The following AFTPH variants were observed in gnomAD, a reference collection of about 807,000 sequenced individuals.
The protein encoded by AFTPH is aftiphilin protein.
A neutral mutation model predicts 72.5 loss-of-function variants in AFTPH; 7 were observed. The ratio of observed to expected loss-of-function variants is 0.10; its 90% CI spans 0.05 to 0.18. The LOEUF (loss-of-function observed/expected upper bound fraction) is 0.18. Ranked by LOEUF, AFTPH falls within the 10% of genes least tolerant of loss-of-function variation. The pLI is 1.00. For synonymous variants in AFTPH, 337 were observed against 370.1 expected, an observed-to-expected ratio of 0.91 and a Z score of 1.03; for missense variants, 979 against 1,060.5, an observed-to-expected ratio of 0.92 and a Z score of 1.07.
chr2:64,573,047 A>G, exon 6 of AFTPH: 5 of 1,614,094 alleles, frequency 3.1e-6, no homozygotes, highest in Non-Finnish European at 4.2e-6. Flanking sequence ...ATATGAACAC[A>G]TGTACATCTG....
chr2:64,591,474 G>C (rs554398136), intron 8 of AFTPH, among the ~76,000 whole-genome samples: 1 of 152,366 alleles, frequency 6.6e-6, no homozygotes, highest in South Asian at 2.1e-4. Flanking sequence ...TTCAGGCTGA[G>C]GTAGTTTTAG....
At chr2:64,552,290 A>C in exon 2 of AFTPH, 5 of 1,614,128 alleles carry the variant, frequency 3.1e-6, no homozygotes, top group Non-Finnish European at 4.2e-6. Flanking sequence ...GAGTCAATGA[A>C]CTGAATTCTG....
chr2:64,587,415 C>A (rs3770728), intron 8 of AFTPH, among the ~76,000 whole-genome samples: 40,429 of 152,090 alleles, frequency 0.27, 5,460 homozygotes, highest in South Asian at 0.28. Context: ...TAAAATGTCC[C>A]AACGAGTGAT....
intron 1 of AFTPH, among the ~76,000 whole-genome samples, chr2:64,535,771 C>T (rs202046605): frequency 1.3e-5 from 2 of 151,830 alleles, no homozygotes; most frequent in South Asian, 2.1e-4. Context: ...GAAGAAATGA[C>T]GTGTGACAAC....
chr2:64,527,448 C>T (rs1290299630), intron 1 of AFTPH, among the ~76,000 whole-genome samples: 2 of 152,050 alleles, frequency 1.3e-5, no homozygotes, highest in Non-Finnish European at 2.9e-5. Context: ...GGTGTGGTGG[C>T]ACATGCCTAT....
At chr2:64,548,840 G>A (rs1053700042) in intron 1 of AFTPH, among the ~76,000 whole-genome samples, 3 of 152,070 alleles carry the variant, frequency 2.0e-5, no homozygotes, top group African/African-American at 7.2e-5. Flanking sequence ...AGAAGAGTAT[G>A]GCAGAGCAAA....
intron 8 of AFTPH, among the ~76,000 whole-genome samples, chr2:64,588,119 G>A (rs948505870): frequency 2.0e-5 from 3 of 151,850 alleles, no homozygotes; most frequent in Non-Finnish European, 4.4e-5. Flanking sequence ...TATCCCTCTC[G>A]TTCCCCAGGC....
chr2:64,524,434 C>G (rs999769105), exon 1 of AFTPH: 2 of 403,492 alleles, frequency 5.0e-6, no homozygotes, highest in African/African-American at 2.1e-5. Context: ...GATGGGGGTC[C>G]CGCGGCAGCG....
chr2:64,589,373 CTCTCAATTATAT>C (rs1273166579), intron 8 of AFTPH, among the ~76,000 whole-genome samples: 3 of 152,208 alleles, frequency 2.0e-5, no homozygotes, highest in East Asian at 3.9e-4. Flanking sequence ...TTTTCCTGGA[CTCTCAATTATAT>C]TCTCAATTAT....
At chr2:64,579,524 T>C in exon 7 of AFTPH, 3 of 1,614,006 alleles carry the variant, frequency 1.9e-6, no homozygotes, top group Non-Finnish European at 2.5e-6. Context: ...GGAGTAGCAG[T>C]GGCCTTACTA....
chr2:64,583,634 A>G (rs1355268276), intron 7 of AFTPH, among the ~76,000 whole-genome samples: 3 of 152,168 alleles, frequency 2.0e-5, no homozygotes, highest in Non-Finnish European at 2.9e-5. Context: ...TTAGAGAGGG[A>G]GGTACTTTGG....
At chr2:64,545,317 A>AT (rs1670508262) in intron 1 of AFTPH, among the ~76,000 whole-genome samples, 3 of 152,034 alleles carry the variant, frequency 2.0e-5, no homozygotes, top group Admixed American at 6.5e-5. Context: ...TTGAGCATTT[A>AT]TCCTAGATAA....
intron 2 of AFTPH, 50 bp downstream of exon 2, chr2:64,553,459 GCTT>G: frequency 6.7e-7 from 1 of 1,490,980 alleles, no homozygotes; most frequent in Non-Finnish European, 8.9e-7. Context: ...TGTTGTGGAG[GCTT>G]CTAATTTCAG....
intron 2 of AFTPH, among the ~76,000 whole-genome samples, chr2:64,553,679 G>C (rs1018110987): frequency 2.1e-5 from 3 of 144,988 alleles, no homozygotes; most frequent in Admixed American, 6.9e-5. Context: ...GGATTTTTTG[G>C]TGACTATAAA....
At chr2:64,529,686 G>GT (rs1669507846) in intron 1 of AFTPH, among the ~76,000 whole-genome samples, 1 of 149,708 alleles carries the variant, frequency 6.7e-6, no homozygotes, top group African/African-American at 2.5e-5. Context: ...CTGGAGTACA[G>GT]TGGAGTGATC....
chr2:64,546,929 G>A (rs1292665409), intron 1 of AFTPH, among the ~76,000 whole-genome samples: 3 of 151,830 alleles, frequency 2.0e-5, no homozygotes, highest in Admixed American at 1.3e-4. Flanking sequence ...GGCCCCTGTA[G>A]TCCCAGCTGC....
chr2:64,583,444 GA>G (rs1393876010), intron 7 of AFTPH, among the ~76,000 whole-genome samples: 10 of 151,632 alleles, frequency 6.6e-5, no homozygotes, highest in Admixed American at 6.6e-4. Flanking sequence ...TTGGGGGTGT[GA>G]TTTTGTTGTC....
chr2:64,588,987 A>AGATATCTTTTCCAATTCTGCAGG (rs1373605167), intron 8 of AFTPH, among the ~76,000 whole-genome samples: 2 of 152,178 alleles, frequency 1.3e-5, no homozygotes, highest in African/African-American at 4.8e-5. Flanking sequence ...AATGATTTGA[A>AGATATCTTTTCCAATTCTGCAGG]GATATCTTTT....
intron 6 of AFTPH, among the ~76,000 whole-genome samples, chr2:64,576,140 C>CGT (rs35888182): frequency 9.1e-4 from 123 of 134,772 alleles, no homozygotes; most frequent in African/African-American, 1.9e-3. Context: ...AAATGAAATA[C>CGT]GTGTGTGTGT....
Sources: allele counts gnomAD v4.1 joint callset (sites outside exome capture counted in the v4.1 genomes callset), GRCh38; gene constraint gnomAD v4.1.1; transcripts MANE v1.5; gene names NCBI Gene and HGNC (gene_info 2026-07-23, HGNC 2026-07-21).